Variants in ZFHX3 observed in about 807,000 individuals in gnomAD.
ZFHX3 encodes the protein zinc finger homeobox 3, also known as zinc finger homeobox protein 3.
ZFHX3 carries 42 observed loss-of-function variants against 279.1 expected under a neutral mutation model. The ratio of observed to expected loss-of-function variants is 0.15; its 90% confidence interval spans 0.12 to 0.19. The LOEUF (loss-of-function observed/expected upper bound fraction) is 0.19, where lower values mean the gene tolerates loss of function less well. Among genes scored for constraint, ZFHX3 ranks in the 10% least tolerant of loss-of-function variants. The pLI, the probability that ZFHX3 is intolerant of heterozygous loss-of-function variation, is 1.00. For missense variants in ZFHX3, 4,981 were observed against 4,754.0 expected, an observed-to-expected ratio of 1.05 and a Z score of -1.40; for synonymous variants, 2,293 against 1,957.8, an observed-to-expected ratio of 1.17 and a Z score of -4.52.
chr16:73,354,090 A>G (rs562311346), intron 3 of ZFHX3, among the ~76,000 whole-genome samples: 1 of 152,322 alleles, frequency 6.6e-6, no homozygotes, highest in Non-Finnish European at 1.5e-5. Flanking sequence ...TTTAGCAAAT[A>G]AAAATACAGG....
At chr16:73,668,640 C>CT (rs111584639) in intron 2 of ZFHX3, among the ~76,000 whole-genome samples, 30,544 of 141,878 alleles carry the variant, frequency 0.22, 3,205 homozygotes, top group South Asian at 0.24. Flanking sequence ...TAAACTCATC[C>CT]TTTTTTTTTT....
intron 1 of ZFHX3, among the ~76,000 whole-genome samples, chr16:73,777,753 G>A (rs918234575): frequency 1.3e-5 from 2 of 152,078 alleles, no homozygotes; most frequent in African/African-American, 4.8e-5. Context: ...TGCTATGTCT[G>A]GGTGACATGT....
intron 3 of ZFHX3, among the ~76,000 whole-genome samples, chr16:73,321,859 G>A (rs2015581610): frequency 6.6e-6 from 1 of 152,148 alleles, no homozygotes; most frequent in African/African-American, 2.4e-5. Context: ...CAGAGAGAGA[G>A]AGAGAGATTG....
At chr16:72,880,682 A>C (rs992086228) in intron 4 of ZFHX3, among the ~76,000 whole-genome samples, 1 of 152,216 alleles carries the variant, frequency 6.6e-6, no homozygotes, top group Non-Finnish European at 1.5e-5. Context: ...GCCCTGTACC[A>C]GGAAAATCAC....
At chr16:73,370,368 G>C (rs2016605615) in intron 3 of ZFHX3, among the ~76,000 whole-genome samples, 1 of 152,152 alleles carries the variant, frequency 6.6e-6, no homozygotes, top group Admixed American at 6.6e-5. Flanking sequence ...CGTTCTCCCT[G>C]AACAAAAGTA....
chr16:72,865,782 T>C (rs2038004258), intron 4 of ZFHX3, among the ~76,000 whole-genome samples: 1 of 152,114 alleles, frequency 6.6e-6, no homozygotes, highest in African/African-American at 2.4e-5. Context: ...GGCTTCTGTA[T>C]CCACAGAGAA....
chr16:73,056,125 T>C (rs1597140017), intron 1 of ZFHX3, among the ~76,000 whole-genome samples: 1 of 152,184 alleles, frequency 6.6e-6, no homozygotes, highest in Non-Finnish European at 1.5e-5. Flanking sequence ...CCACACCTCA[T>C]CTTCCCAAAC....
intron 2 of ZFHX3, among the ~76,000 whole-genome samples, chr16:73,539,722 G>A (rs1039965733): frequency 3.9e-5 from 6 of 152,048 alleles, no homozygotes; most frequent in Non-Finnish European, 7.4e-5. Context: ...CCGCCTGCCC[G>A]TGTAGGTCCG....
chr16:73,751,898 C>T (rs1049214353), intron 1 of ZFHX3, among the ~76,000 whole-genome samples: 1 of 152,154 alleles, frequency 6.6e-6, no homozygotes, highest in Admixed American at 6.5e-5. Context: ...AGGAACTTAT[C>T]TGGGGAAAGA....
At chr16:73,615,076 T>G (rs759762047) in intron 2 of ZFHX3, among the ~76,000 whole-genome samples, 3 of 151,060 alleles carry the variant, frequency 2.0e-5, no homozygotes, top group African/African-American at 2.4e-5. Context: ...TTTCTTTCAA[T>G]CTAAAATGCG....
intron 5 of ZFHX3, among the ~76,000 whole-genome samples, chr16:73,248,352 G>A (rs539852525): frequency 0.03 from 4,540 of 151,564 alleles, 206 homozygotes; most frequent in African/African-American, 0.097. Context: ...ATGTGTGTGT[G>A]GTTGTATACT....
intron 7 of ZFHX3, among the ~76,000 whole-genome samples, chr16:73,096,405 CTTT>C (rs1242369882): frequency 2.0e-5 from 3 of 149,946 alleles, no homozygotes; most frequent in South Asian, 2.1e-4. Context: ...AGCCGAACTT[CTTT>C]ATTTTTTTTT....
intron 1 of ZFHX3, among the ~76,000 whole-genome samples, chr16:73,846,555 A>G (rs1348322746): frequency 6.6e-6 from 1 of 152,172 alleles, no homozygotes; most frequent in East Asian, 1.9e-4. Flanking sequence ...GTGGCCCTAT[A>G]AACACGCTAA....
chr16:73,036,419 G>A (rs922969987), intron 1 of ZFHX3, among the ~76,000 whole-genome samples: 3 of 152,136 alleles, frequency 2.0e-5, no homozygotes, highest in African/African-American at 7.2e-5. Context: ...GCCGCTTTGT[G>A]GGGGGAAAAG....
intron 5 of ZFHX3, among the ~76,000 whole-genome samples, chr16:73,173,198 G>T (rs1045727086): frequency 1.3e-5 from 2 of 151,822 alleles, no homozygotes; most frequent in South Asian, 4.2e-4. Flanking sequence ...CTGAGGGGAG[G>T]CTTTTAAAGC....
rs760375599 is a variant in ZFHX3, at chr16:72,795,762, C to A, written c.6920G>T (p.Gly2307Val). The A allele has an allele frequency of 6.2e-7, 1 of 1,614,168 alleles. No individual in the cohort carries two copies. Among genetic ancestry groups the A allele is most frequent in the East Asian group, 2.2e-5 (1 of 44,878 alleles). Residue 2307 changes from glycine to valine, a missense_variant, in exon 9 of 10, where the codon GGC (glycine) becomes GTC (valine). Physicochemically the swap from Gly to Val is moderately radical, Grantham distance 109. Transcript: ENST00000268489. ...AAGCTCACGCCGCTCTCCATCTTTG[C>A]CCTCTCCCTGATTCTCATAATTCTT... ...ARKNYENQGEGKDGERRELTN... is the reference protein window; with the variant it reads ...ARKNYENQGEVKDGERRELTN...
intron 3 of ZFHX3, among the ~76,000 whole-genome samples, chr16:72,934,642 T>C (rs1960014343): frequency 6.6e-6 from 1 of 152,136 alleles, no homozygotes; most frequent in Admixed American, 6.5e-5. Flanking sequence ...ATCTAACCAG[T>C]TGGGTGTGGC....
chr16:72,795,549 G>C lies in ZFHX3; in HGVS notation c.7133C>G (p.Thr2378Ser). ...CATCGGGGTACTGCAGGATGAGCTG[G>C]TAGGCGTCAGGATTTCCATGGCATC... ...SMDAMEILTPTSSSCSTPMPS... is the reference protein window; with the variant it reads ...SMDAMEILTPSSSSCSTPMPS... The change falls in exon 9 of 10, where the codon ACC (threonine) becomes AGC (serine). Residue 2378 changes from threonine to serine, a missense_variant. Thr to Ser is a moderately conservative substitution (Grantham distance 58, BLOSUM62 1). This residue lies in a region of ZFHX3 where 744 missense variants were observed against 701.3 expected (regional missense o/e 1.06). Coordinates refer to ENST00000268489, the MANE Select transcript of ZFHX3 (RefSeq NM_006885.4). 2 of 1,614,122 alleles carry C rather than the reference G, an allele frequency of 1.2e-6. No individual in the cohort carries two copies. The highest frequency in any genetic ancestry group is 1.7e-6 in the Non-Finnish European group (2 of 1,180,026).
intron 1 of ZFHX3, among the ~76,000 whole-genome samples, chr16:72,961,986 T>A (rs1022730488): frequency 6.6e-6 from 1 of 152,180 alleles, no homozygotes; most frequent in African/African-American, 2.4e-5. Flanking sequence ...CAGGTGAGAC[T>A]GCAGGGCGGC....
Sources: allele counts gnomAD v4.1 joint callset (sites outside exome capture counted in the v4.1 genomes callset), GRCh38; gene constraint gnomAD v4.1.1; regional missense constraint gnomAD v4.1.1; transcripts MANE v1.5; gene names NCBI Gene and HGNC (gene_info 2026-07-23, HGNC 2026-07-21).